The following B4GALNT3 variants were observed in gnomAD, a reference collection of about 807,000 sequenced individuals.
B4GALNT3 encodes beta-1,4-N-acetyl-galactosaminyltransferase 3, also known as beta-1,4-N-acetylgalactosaminyltransferase 3.
B4GALNT3 carries 86 observed loss-of-function variants against 120.2 expected under a neutral mutation model. The observed-to-expected ratio is 0.72, with a 90% confidence interval of 0.60 to 0.86. The LOEUF (loss-of-function observed/expected upper bound fraction) is 0.86, where lower values mean the gene tolerates loss of function less well. Among genes scored for constraint, B4GALNT3 ranks in the 40% least tolerant of loss-of-function variants. The pLI is 0.00. For synonymous variants in B4GALNT3, 518 were observed against 510.4 expected (o/e 1.01, Z -0.20); for missense variants, 1,167 against 1,298.9 (o/e 0.90, Z 1.56).
chr12:528,316 C>T, intron 1 of B4GALNT3, among the ~76,000 whole-genome samples: 1 of 152,098 alleles, frequency 6.6e-6, no homozygotes, highest in East Asian at 1.9e-4. Flanking sequence ...AGCCCGAACC[C>T]CTGGGCTCAA....
chr12:487,312 C>G (rs181698617), intron 1 of B4GALNT3, among the ~76,000 whole-genome samples: 4 of 152,210 alleles, frequency 2.6e-5, no homozygotes, highest in Non-Finnish European at 4.4e-5. Context: ...AACACCAAAC[C>G]ACAGATCCAA....
At chr12:484,272 G>A (rs982175258) in intron 1 of B4GALNT3, among the ~76,000 whole-genome samples, 3 of 152,118 alleles carry the variant, frequency 2.0e-5, no homozygotes, top group Admixed American at 6.6e-5. Flanking sequence ...TGTCAGTGAC[G>A]GTCATTCTGA....
intron 1 of B4GALNT3, among the ~76,000 whole-genome samples, chr12:490,554 A>T (rs1241140793): frequency 6.6e-6 from 1 of 151,900 alleles, no homozygotes; most frequent in Non-Finnish European, 1.5e-5. Context: ...CCTGGGCAAA[A>T]CCCCATCTCT....
intron 1 of B4GALNT3, among the ~76,000 whole-genome samples, chr12:525,460 T>C (rs757559978): frequency 2.0e-5 from 3 of 152,214 alleles, no homozygotes; most frequent in African/African-American, 4.8e-5. Context: ...CTGTCTCCGT[T>C]GCTGGTGAGG....
At chr12:547,045 C>T (rs1300470627) in intron 7 of B4GALNT3, among the ~76,000 whole-genome samples, 2 of 152,202 alleles carry the variant, frequency 1.3e-5, no homozygotes, top group East Asian at 3.9e-4. Context: ...GGACCGAGGT[C>T]CCCCTCGGTC....
intron 1 of B4GALNT3, among the ~76,000 whole-genome samples, chr12:473,003 A>T (rs1416181342): frequency 6.9e-6 from 1 of 144,412 alleles, no homozygotes; most frequent in African/African-American, 2.6e-5. Context: ...TTTTGGATAC[A>T]GAATCTTGCT....
At position 555,990 on chromosome 12, in the gene B4GALNT3, A is replaced by G. The variant is rs1011105486; in HGVS notation, c.2061-557A>G. On this transcript the variant is annotated intron_variant, in intron 14 of 19. Coordinates refer to ENST00000266383, the MANE Select transcript of B4GALNT3 (RefSeq NM_173593.4). ...AGTAGAGACAGGGTTTCACCATATT[A>G]GCCAGGCTGGTCTTGATCTCCTGAC... Among the ~76,000 whole-genome samples, 23 of 151,656 alleles carry G rather than the reference A, an allele frequency of 1.5e-4. No homozygotes were observed. The South Asian group carries it at 2.3e-3, about 15-fold the overall frequency.
At chr12:503,751 C>G (rs1005498343) in intron 1 of B4GALNT3, among the ~76,000 whole-genome samples, 2 of 129,622 alleles carry the variant, frequency 1.5e-5, no homozygotes, top group Non-Finnish European at 1.9e-5. Flanking sequence ...ATCCACTGAT[C>G]TCTGAACAGC....
At chr12:547,536 G>A (rs1233345884) in intron 7 of B4GALNT3, among the ~76,000 whole-genome samples, 1 of 152,042 alleles carries the variant, frequency 6.6e-6, no homozygotes, top group Non-Finnish European at 1.5e-5. Flanking sequence ...AAGAGCACTC[G>A]CGTGCCAGCT....
At chr12:538,556 A>G (rs1169855670) in intron 3 of B4GALNT3, among the ~76,000 whole-genome samples, 4 of 135,174 alleles carry the variant, frequency 3.0e-5, no homozygotes, top group Non-Finnish European at 4.7e-5. Flanking sequence ...TGAGAACCCC[A>G]TCTCAAAAAA....
intron 1 of B4GALNT3, among the ~76,000 whole-genome samples, chr12:481,609 G>C (rs963198684): frequency 6.6e-6 from 1 of 152,216 alleles, no homozygotes; most frequent in Non-Finnish European, 1.5e-5. Context: ...CAGGGCCCCT[G>C]TCTGCCAGAG....
chr12:533,354 C>G (rs1946826275), intron 1 of B4GALNT3, among the ~76,000 whole-genome samples: 1 of 152,236 alleles, frequency 6.6e-6, no homozygotes, highest in African/African-American at 2.4e-5. Context: ...CCAGAACACA[C>G]CCCTGCCCTG....
At chr12:557,979 G>A in intron 16 of B4GALNT3, 37 bp from the exon 17 acceptor site, 2 of 1,606,556 alleles carry the variant, frequency 1.2e-6, no homozygotes, top group Admixed American at 1.7e-5. Context: ...CACCGCAGCT[G>A]AGTCCTGATA....
intron 3 of B4GALNT3, among the ~76,000 whole-genome samples, chr12:536,586 G>A (rs1286529536): frequency 6.6e-6 from 1 of 152,206 alleles, no homozygotes; most frequent in Non-Finnish European, 1.5e-5. Flanking sequence ...GGGCTCAAGC[G>A]ATCCTCCAGC....
intron 1 of B4GALNT3, among the ~76,000 whole-genome samples, chr12:498,894 A>G (rs1203569646): frequency 6.6e-6 from 1 of 152,190 alleles, no homozygotes; most frequent in Non-Finnish European, 1.5e-5. Context: ...GTGGCCTCAC[A>G]GTTTCCATTG....
rs546148049 is a variant in B4GALNT3, at chr12:546,893, A to T, written c.707+180A>T. 83 of 619,312 alleles carry T rather than the reference A, an allele frequency of 1.3e-4. No individual in the cohort carries two copies. The South Asian group carries it at 1.5e-3, about 11-fold the overall frequency. The allele number at this position is 619,312 out of a possible 1,614,324, so 38.4% of individuals were successfully genotyped here. A position where few individuals can be genotyped will look rare whatever the true frequency, so the allele number is the denominator to read the frequency against. ...GAGCCCATCCGTCCTCGTTTCACAG[A>T]TGGGGAAACTGAGGCCCAGAAGGCC... On this transcript the variant is annotated intron_variant, in intron 7 of 19. Coordinates refer to ENST00000266383, the MANE Select transcript of B4GALNT3 (RefSeq NM_173593.4).
intron 1 of B4GALNT3, among the ~76,000 whole-genome samples, chr12:499,163 G>T (rs538510725): frequency 6.6e-6 from 1 of 152,368 alleles, no homozygotes; most frequent in African/African-American, 2.4e-5. Context: ...GAGCTGGTGA[G>T]CAGGTGGAAT....
chr12:524,452 G>A (rs1345432310), intron 1 of B4GALNT3, among the ~76,000 whole-genome samples: 1 of 152,100 alleles, frequency 6.6e-6, no homozygotes. Context: ...TTTCCAAAAG[G>A]AGCCGTCAGG....
At position 553,228 on chromosome 12, in the gene B4GALNT3, T is replaced by C. The variant is rs1019873209; in HGVS notation, c.1305T>C (p.Tyr435=). ...AAAACCTTCTAGAAGAGTCCCAGTA[T>C]GGGGAAGTGGCAGAGGAGACCCCTG... The part of the protein sequence containing the change: ...FEENLLEESQ[Y]GEVAEETPAS... The change falls in exon 14 of 20, where the codon TAT becomes TAC. Residue 435 remains tyrosine, a synonymous_variant. Coordinates refer to ENST00000266383, the MANE Select transcript of B4GALNT3 (RefSeq NM_173593.4). 1 of 1,613,432 alleles carries C rather than the reference T, an allele frequency of 6.2e-7. No homozygotes were observed. The highest frequency in any genetic ancestry group is 8.5e-7 in the Non-Finnish European group (1 of 1,179,982).
Sources: gnomAD v4.1 joint callset for allele counts (sites outside exome capture counted in the v4.1 genomes callset) on GRCh38, gnomAD v4.1.1 for gene constraint, MANE v1.5 for transcripts, NCBI Gene and HGNC (gene_info 2026-07-23, HGNC 2026-07-21) for gene names.